The following ABRA variants were observed in gnomAD, a reference collection of about 807,000 sequenced individuals.
ABRA encodes the protein actin-binding Rho-activating protein.
ABRA carries 25 observed loss-of-function variants against 33.4 expected under a neutral mutation model. That is an observed-to-expected ratio of 0.75 (90% CI 0.55 to 1.04). The LOEUF (loss-of-function observed/expected upper bound fraction) is 1.04, where lower values mean the gene tolerates loss of function less well. ABRA is among the 50% of genes least tolerant of loss of function. The pLI is 0.00. For synonymous variants in ABRA, 193 were observed against 176.8 expected, an observed-to-expected ratio of 1.09 and a Z score of -0.73; for missense variants, 501 against 491.7, an observed-to-expected ratio of 1.02 and a Z score of -0.18.
At chr8:106,761,578 T>G in intron 1 of ABRA, 64 bp from the exon 2 acceptor site, 1 of 1,353,788 alleles carries the variant, frequency 7.4e-7, no homozygotes, top group South Asian at 1.4e-5. Context: ...TTGTTTTCCC[T>G]TTGTACTTCC....
rs148169414 is a variant in ABRA, at chr8:106,761,150, C to T, written c.1033G>A (p.Asp345Asn). ...CGCATGAGAATGCCCACTACTTTAT[C>T]TGAAATACGAACGTATCTGTCAAAG... ...DLFDRYVRIS[D>N]KVVGILMRAR... Residue 345 changes from aspartate to asparagine, a missense_variant, in exon 2 of 2, where the codon GAT becomes AAT. Transcript: ENST00000311955. 4.3e-6 allele frequency: 7 copies of T among 1,614,220 alleles called. No homozygotes were observed. The Admixed American group carries it at 1.0e-4, about 23-fold the overall frequency.
chr8:106,760,873 A>C lies in ABRA; in HGVS notation c.*164T>G. On this transcript the variant is annotated 3_prime_UTR_variant, in exon 2 of 2. Transcript: ENST00000311955. ...GCTTTGTGCCTTCTCAAAATCTCCA[A>C]AATTCCTCATTCTAGATAGAAATAG... 1.5e-6 allele frequency: 1 copy of C among 681,100 alleles called. No individual in the cohort carries two copies. The highest frequency in any genetic ancestry group is 1.9e-5 in the South Asian group (1 of 51,770). 42.2% of individuals were successfully genotyped at this position (681,100 alleles called of 1,614,324 possible). A position where few individuals can be genotyped will look rare whatever the true frequency, so the allele number is the denominator to read the frequency against.
At chr8:106,768,428 T>G (rs1810537753) in intron 1 of ABRA, among the ~76,000 whole-genome samples, 1 of 152,218 alleles carries the variant, frequency 6.6e-6, no homozygotes, top group Non-Finnish European at 1.5e-5. Context: ...ATTGCTGTAT[T>G]TGTTTACAAA....
Position 106,761,209 on chromosome 8 carries a change from C to T in ABRA, c.974G>A (p.Arg325Gln), listed in dbSNP as rs772583120. The T allele has an allele frequency of 5.0e-6, 8 of 1,614,114 alleles. No individual in the cohort carries two copies. In the African/African-American group the frequency reaches 5.3e-5, roughly 11 times the overall value. The stretch of plus-strand genomic sequence containing the variant: ...AAAAGTAACCTGGATCTTGCCATCT[C>T]GTCTGTGGCGAGCCATTGTGCAGAT... ...FIICTMARHR[R>Q]DGKIQVTFGD... Residue 325 changes from arginine (R) to glutamine (Q), a missense_variant, in exon 2 of 2, where the codon CGA becomes CAA. Coordinates refer to ENST00000311955, the MANE Select transcript of ABRA (RefSeq NM_139166.5).
Position 106,761,280 on chromosome 8 carries a change from A to T in ABRA, c.903T>A (p.Arg301=). 1.2e-6 allele frequency: 2 copies of T among 1,614,226 alleles called. No homozygotes were observed. The highest frequency in any genetic ancestry group is 2.2e-5 in the South Asian group (2 of 91,084). ...EGTKTAERAK[R]AEEHIYREMM... ...TTTCCCTGTAGATGTGCTCCTCAGC[A>T]CGCTTGGCCCTTTCAGCAGTTTTGG... is the stretch of plus-strand genomic sequence containing the variant. Residue 301 remains arginine, a synonymous_variant, in exon 2 of 2, where the codon CGT becomes CGA. Transcript: ENST00000311955.
chr8:106,769,442 C>T (rs1810560813), intron 1 of ABRA, 81 bp downstream of exon 1: 1 of 1,533,028 alleles, frequency 6.5e-7, no homozygotes, highest in African/African-American at 1.4e-5. Context: ...GGCAGGACTT[C>T]ATCTGCTGCC....
rs561720080 is a variant in ABRA, at chr8:106,769,386, C to CAG, written c.668+135_668+136dup. 121 of 1,227,262 alleles carry CAG rather than the reference C, an allele frequency of 9.9e-5. No individual in the cohort carries two copies. In the East Asian group the frequency reaches 2.7e-3, roughly 28 times the overall value. 76.0% of individuals were successfully genotyped at this position (1,227,262 alleles called of 1,614,324 possible). A position where few individuals can be genotyped will look rare whatever the true frequency, so the allele number is the denominator to read the frequency against. On this transcript the variant is annotated intron_variant, in intron 1 of 1. Transcript: ENST00000311955. ...TCAGCCCAGGGACATCCCTCCTCTACAGTACTCACTGCCTGTCCAGTCTTT... is the reference window on the plus strand; with the variant it reads ...TCAGCCCAGGGACATCCCTCCTCTACAGAGTACTCACTGCCTGTCCAGTCTTT...
chr8:106,762,054 C>CA (rs1482708758), intron 1 of ABRA, among the ~76,000 whole-genome samples: 1 of 152,136 alleles, frequency 6.6e-6, no homozygotes, highest in African/African-American at 2.4e-5. Flanking sequence ...TGAAGTTGTA[C>CA]AGATAGAAAA....
Position 106,769,939 on chromosome 8 carries a change from G to A in ABRA, c.252C>T (p.Arg84=), listed in dbSNP as rs145575562. Residue 84 remains arginine (R), a synonymous_variant, in exon 1 of 2, where the codon CGC becomes CGT. Transcript: ENST00000311955. ...KAQSAPKSPP[R]LPEGHGDGQS... is the part of the protein sequence containing the mutation. ...GTCCATCTCCATGTCCTTCTGGCAG[G>A]CGGGGTGGCGACTTTGGGGCACTCT... 148 of 1,613,996 alleles carry A rather than the reference G, an allele frequency of 9.2e-5. No individual in the cohort carries two copies. The African/African-American group carries it at 1.7e-3, about 18-fold the overall frequency.
Position 106,769,938 on chromosome 8 carries a change from G to A in ABRA, c.253C>T (p.Leu85=), listed in dbSNP as rs778015085. The A allele has an allele frequency of 2.5e-6, 4 of 1,614,140 alleles. No homozygotes were observed. The Admixed American group carries it at 6.7e-5, about 27-fold the overall frequency. Residue 85 remains leucine (L), a synonymous_variant, in exon 1 of 2, where the codon CTG becomes TTG. Transcript: ENST00000311955. ...AQSAPKSPPR[L]PEGHGDGQSS... is the part of the protein sequence containing the mutation. ...TGTCCATCTCCATGTCCTTCTGGCA[G>A]GCGGGGTGGCGACTTTGGGGCACTC...
chr8:106,769,648 C>T lies in ABRA; in HGVS notation c.543G>A (p.Glu181=). The T allele has an allele frequency of 1.9e-6, 3 of 1,614,188 alleles. No homozygotes were observed. The highest frequency in any genetic ancestry group is 2.5e-6 in the Non-Finnish European group (3 of 1,180,040). The change falls in exon 1 of 2, where the codon GAG becomes GAA. Residue 181 remains glutamate, a synonymous_variant. Coordinates refer to ENST00000311955, the MANE Select transcript of ABRA (RefSeq NM_139166.5). ...CTACGCTGTCACTCCTCCATGTGGGCTCCTCCTGCTCCATCACTCTCCAGC... is the reference window on the plus strand; with the variant it reads ...CTACGCTGTCACTCCTCCATGTGGGTTCCTCCTGCTCCATCACTCTCCAGC... The part of the protein sequence containing the change: ...TKGWRVMEQE[E]PTWRSDSVDT...
At chr8:106,764,392 G>A (rs1836181883) in intron 1 of ABRA, among the ~76,000 whole-genome samples, 2 of 152,164 alleles carry the variant, frequency 1.3e-5, no homozygotes, top group Non-Finnish European at 2.9e-5. Context: ...AGTGGCTCAC[G>A]CCTGTAATCC....
rs577574139 is a variant in ABRA, at chr8:106,768,067, C to A, written c.668+1456G>T. Among the ~76,000 whole-genome samples, 17 of 150,968 alleles carry A rather than the reference C, an allele frequency of 1.1e-4. No homozygotes were observed. In the South Asian group the frequency reaches 2.7e-3, roughly 24 times the overall value. On this transcript the variant is annotated intron_variant, in intron 1 of 1. Coordinates refer to ENST00000311955, the MANE Select transcript of ABRA (RefSeq NM_139166.5). ...CCGAGGTCGTGCCACTGTACTCCAG[C>A]CTGGGCAACAGAGTGAGACTTCATC...
rs1432861420 is a variant in ABRA at position 106,760,834 on chromosome 8, G to A, written c.*203C>T. Reference sequence around the variant, plus strand: ...CTATTATTATACATTAACATTCTATGTGCTTTCTGAAATGCTTTGTGCCTT... The same window carrying A: ...CTATTATTATACATTAACATTCTATATGCTTTCTGAAATGCTTTGTGCCTT... On this transcript the variant is annotated 3_prime_UTR_variant, in exon 2 of 2. Coordinates refer to ENST00000311955, the MANE Select transcript of ABRA (RefSeq NM_139166.5). The A allele has an allele frequency of 1.7e-6, 1 of 589,522 alleles. No homozygotes were observed. The highest frequency in any genetic ancestry group is 3.0e-5 in the Admixed American group (1 of 33,058). 36.5% of individuals were successfully genotyped at this position (589,522 alleles called of 1,614,324 possible). A position where few individuals can be genotyped will look rare whatever the true frequency, so the allele number is the denominator to read the frequency against.
chr8:106,764,224 C>T (rs1206368149), intron 1 of ABRA, among the ~76,000 whole-genome samples: 1 of 152,144 alleles, frequency 6.6e-6, no homozygotes, highest in Non-Finnish European at 1.5e-5. Context: ...TTAAACTGCA[C>T]GTTATATGGG....
At chr8:106,762,823 A>C (rs1836157018) in intron 1 of ABRA, among the ~76,000 whole-genome samples, 1 of 152,196 alleles carries the variant, frequency 6.6e-6, no homozygotes, top group South Asian at 2.1e-4. Flanking sequence ...GAACTCAAAA[A>C]GACATCCCTG....
chr8:106,759,706 A>T lies in ABRA; in HGVS notation c.*1331T>A, dbSNP rs1428005070. ...ATACATGAAAACAAATATAATTCTTATAGCAGTCTAATACCTATTATTTTG... is the reference window on the plus strand; with the variant it reads ...ATACATGAAAACAAATATAATTCTTTTAGCAGTCTAATACCTATTATTTTG... On this transcript the variant is annotated 3_prime_UTR_variant, in exon 2 of 2. Transcript: ENST00000311955. 1.3e-5 allele frequency: 2 copies of T among 152,216 alleles called. No homozygotes were observed. The highest frequency in any genetic ancestry group is 4.8e-5 in the African/African-American group (2 of 41,460). The allele number at this position is 152,216 out of a possible 1,614,324, so 9.4% of individuals were successfully genotyped here.
chr8:106,764,614 T>C lies in ABRA; in HGVS notation c.669-3100A>G, dbSNP rs1836186577. On this transcript the variant is annotated intron_variant, in intron 1 of 1. Coordinates refer to ENST00000311955, the MANE Select transcript of ABRA (RefSeq NM_139166.5). ...TTGCAGTGAGCCGAGATGGTGTAAC[T>C]ACACTGCACTCCAGGCTGGGTGACA... 3.9e-5 allele frequency among the ~76,000 whole-genome samples: 6 copies of C among 152,178 alleles called. No individual in the cohort carries two copies. In the South Asian group the frequency reaches 1.2e-3, roughly 32 times the overall value.
At chr8:106,769,133 AG>A (rs1587351505) in intron 1 of ABRA, among the ~76,000 whole-genome samples, 1 of 152,200 alleles carries the variant, frequency 6.6e-6, no homozygotes, top group East Asian at 1.9e-4. Flanking sequence ...ACAAGGTAAA[AG>A]TTTCCCCAAT....
Sources: allele counts gnomAD v4.1 joint callset (sites outside exome capture counted in the v4.1 genomes callset), GRCh38; gene constraint gnomAD v4.1.1; transcripts MANE v1.5; gene names NCBI Gene and HGNC (gene_info 2026-07-23, HGNC 2026-07-21).